COL4A3: variants seen among roughly 807,000 people sequenced by gnomAD.
The protein encoded by COL4A3 is collagen alpha-3(IV) chain.
COL4A3 carries 135 observed loss-of-function variants against 217.4 expected under a neutral mutation model. The ratio of observed to expected loss-of-function variants is 0.62; its 90% CI spans 0.54 to 0.72. COL4A3 has a LOEUF of 0.72. Ranked by LOEUF, COL4A3 falls within the 30% of genes least tolerant of loss-of-function variation. The pLI, the probability that COL4A3 is intolerant of heterozygous loss-of-function variation, is 0.00. For missense variants in COL4A3, 1,868 were observed against 2,119.9 expected, an observed-to-expected ratio of 0.88 and a Z score of 2.33; for synonymous variants, 690 against 736.3, an observed-to-expected ratio of 0.94 and a Z score of 1.02.
intron 24 of COL4A3, 118 bp from the exon 25 acceptor site, chr2:227,270,652 G>A: frequency 1.0e-6 from 1 of 954,476 alleles, no homozygotes; most frequent in Non-Finnish European, 1.6e-6. Context: ...GTGGACCAAA[G>A]AGTGTGTTGA....
intron 1 of COL4A3, chr2:227,222,648 G>T (rs9631010): frequency 0.075 from 11,421 of 152,290 alleles, 618 homozygotes; most frequent in African/African-American, 0.15. Flanking sequence ...ACCACCTTGC[G>T]GGTTGAGGGA....
chr2:227,309,971 C>T (rs1009547423), intron 50 of COL4A3, among the ~76,000 whole-genome samples: 5 of 152,104 alleles, frequency 3.3e-5, no homozygotes, highest in African/African-American at 1.2e-4. Flanking sequence ...CATACATTCT[C>T]TGTAATTTTT....
At chr2:227,241,715 T>C (rs894066104) in intron 3 of COL4A3, among the ~76,000 whole-genome samples, 15 of 151,948 alleles carry the variant, frequency 9.9e-5, no homozygotes, top group Non-Finnish European at 2.2e-4. Context: ...TGTATTAAAA[T>C]AATGTATGAA....
chr2:227,181,988 G>T (rs1456594780), intron 1 of COL4A3, among the ~76,000 whole-genome samples: 1 of 152,036 alleles, frequency 6.6e-6, no homozygotes, highest in East Asian at 1.9e-4. Flanking sequence ...ACATTTTGAT[G>T]TATATCTATC....
At chr2:227,277,588 T>C (rs774617955) in intron 28 of COL4A3, 35 bp downstream of exon 28, 5 of 1,288,488 alleles carry the variant, frequency 3.9e-6, no homozygotes, top group African/African-American at 1.5e-5. Context: ...TAAAGTTTGT[T>C]GTGGATATTT....
chr2:227,239,767 T>C (rs2068909478), intron 2 of COL4A3, among the ~76,000 whole-genome samples: 1 of 152,228 alleles, frequency 6.6e-6, no homozygotes, highest in Non-Finnish European at 1.5e-5. Context: ...TTCTTGCACC[T>C]GACCCTCACT....
intron 1 of COL4A3, among the ~76,000 whole-genome samples, chr2:227,165,072 G>A (rs1194354307): frequency 6.6e-6 from 1 of 152,204 alleles, no homozygotes; most frequent in Non-Finnish European, 1.5e-5. Context: ...AGTCAGGGAT[G>A]GCGGGGACAG....
rs762720289 is a variant in COL4A3, at chr2:227,307,751, C to A, written c.4294C>A (p.Arg1432Ser). Residue 1432 changes from arginine (R) to serine (S), a missense_variant, in exon 48 of 52, where the codon CGT becomes AGT. Physicochemically the swap from Arg to Ser is moderately radical, Grantham distance 110 (BLOSUM62 -1). Transcript: ENST00000396578. ...SDGLPGLKGK[R>S]GDSGSPATWT... ...TGGATTGCCAGGTTTGAAAGGAAAACGTGGAGACAGTGGATCACCTGCAAC... is the reference window on the plus strand; with the variant it reads ...TGGATTGCCAGGTTTGAAAGGAAAAAGTGGAGACAGTGGATCACCTGCAAC... 4 of 1,614,150 alleles carry A rather than the reference C, an allele frequency of 2.5e-6. No homozygotes were observed. The East Asian group carries it at 6.7e-5, about 27-fold the overall frequency.
chr2:227,269,954 G>A lies in COL4A3; in HGVS notation c.1549G>A (p.Gly517Arg). ...AGLKGSPGSPGNTGLPGFPGF... is the reference protein window; with the variant it reads ...AGLKGSPGSPRNTGLPGFPGF... ...CTTGAAAGGAAGCCCAGGGTCCCCA[G>A]GAAATACAGGTCTTCCAGGATTTCC... Residue 517 changes from glycine (G) to arginine (R), a missense_variant, in exon 24 of 52, where the codon GGA becomes AGA. By Grantham distance (125) the Gly-to-Arg change is moderately radical (BLOSUM62 -2). Around this residue, in one of 2 missense-constraint regions of COL4A3, gnomAD observed 1,503 missense variants for 1,786.1 expected, o/e 0.84. Coordinates refer to ENST00000396578, the MANE Select transcript of COL4A3 (RefSeq NM_000091.5). The A allele has an allele frequency of 6.2e-7, 1 of 1,613,824 alleles. No homozygotes were observed. Among genetic ancestry groups the A allele is most frequent in the Non-Finnish European group, 8.5e-7 (1 of 1,179,836 alleles).
chr2:227,249,398 G>A (rs1237325563), intron 9 of COL4A3, among the ~76,000 whole-genome samples: 1 of 149,672 alleles, frequency 6.7e-6, no homozygotes, highest in African/African-American at 2.5e-5. Context: ...ACCATGCCCT[G>A]CTAATTTTTG....
chr2:227,298,507 T>C (rs2073133508), intron 42 of COL4A3, among the ~76,000 whole-genome samples, 175 bp from the exon 43 acceptor site: 1 of 152,196 alleles, frequency 6.6e-6, no homozygotes, highest in Non-Finnish European at 1.5e-5. Flanking sequence ...TGCCAGGTGC[T>C]TCGCTGGCAT....
intron 1 of COL4A3, among the ~76,000 whole-genome samples, chr2:227,204,641 AC>A (rs1373929272): frequency 6.6e-6 from 1 of 152,224 alleles, no homozygotes; most frequent in Non-Finnish European, 1.5e-5. Flanking sequence ...CTATTAGCCA[AC>A]AATTGCCTAG....
At chr2:227,302,061 T>C (rs868372586) in intron 43 of COL4A3, 1 of 152,248 alleles carries the variant, frequency 6.6e-6, no homozygotes, top group Non-Finnish European at 1.5e-5. Context: ...TTTTGACAAA[T>C]AGCTCTTTCC....
intron 20 of COL4A3, among the ~76,000 whole-genome samples, chr2:227,263,071 C>A (rs936709154): frequency 6.6e-6 from 1 of 151,458 alleles, no homozygotes; most frequent in Non-Finnish European, 1.5e-5. Context: ...TAGTACAAAT[C>A]TAATATGCCA....
At chr2:227,251,022 G>T in intron 9 of COL4A3, 118 bp from the exon 10 acceptor site, 1 of 804,890 alleles carries the variant, frequency 1.2e-6, no homozygotes, top group East Asian at 2.6e-5. Flanking sequence ...GCCACTGAAA[G>T]GGGAGGTGTT....
chr2:227,306,868 T>C (rs556768507), intron 47 of COL4A3, among the ~76,000 whole-genome samples: 2 of 152,038 alleles, frequency 1.3e-5, no homozygotes, highest in East Asian at 1.9e-4. Flanking sequence ...CCAAGTCTGG[T>C]TGGGGAGGGA....
rs1429732891 is a variant in COL4A3, at chr2:227,266,522, A to G, written c.1408+13A>G. ...GATGGGCCCAAAGGTTGGTTCAATC[A>G]ATAATGTTGTATTAGGATAAGCCTT... On this transcript the variant is annotated intron_variant, in intron 22 of 51. Coordinates refer to ENST00000396578, the MANE Select transcript of COL4A3 (RefSeq NM_000091.5). 1 of 1,597,446 alleles carries G rather than the reference A, an allele frequency of 6.3e-7. No individual in the cohort carries two copies. Among genetic ancestry groups the G allele is most frequent in the South Asian group, 1.1e-5 (1 of 90,616 alleles).
At chr2:227,242,598 A>G (rs1477248220) in intron 3 of COL4A3, among the ~76,000 whole-genome samples, 1 of 152,178 alleles carries the variant, frequency 6.6e-6, no homozygotes, top group African/African-American at 2.4e-5. Flanking sequence ...GAGCCCACCA[A>G]GAGTTGCCTC....
chr2:227,205,178 T>A (rs2067053874), intron 1 of COL4A3, among the ~76,000 whole-genome samples: 1 of 151,858 alleles, frequency 6.6e-6, no homozygotes, highest in African/African-American at 2.4e-5. Flanking sequence ...TAAAATAATC[T>A]TATCTGTATA....
Sources: gnomAD v4.1 joint callset for allele counts (sites outside exome capture counted in the v4.1 genomes callset) on GRCh38, gnomAD v4.1.1 for gene constraint, gnomAD v4.1.1 regional missense constraint, MANE v1.5 for transcripts, NCBI Gene and HGNC (gene_info 2026-07-23, HGNC 2026-07-21) for gene names.